MSMB: variants seen among roughly 807,000 people sequenced by gnomAD.
The protein encoded by MSMB is beta-microseminoprotein.
Under a neutral mutation model 10.5 loss-of-function variants are expected in MSMB, and 10 were observed. The observed-to-expected ratio is 0.95, with a 90% CI of 0.59 to 1.62. The LOEUF is 1.62. Ranked by LOEUF, MSMB falls within the 40% of genes most tolerant of loss-of-function variation. MSMB has a pLI of 0.00. For synonymous variants in MSMB, 43 were observed against 46.5 expected (o/e 0.93, Z 0.30); for missense variants, 126 against 137.4 (o/e 0.92, Z 0.42).
At chr10:46,034,717 C>T (rs1840559037) in intron 3 of MSMB, among the ~76,000 whole-genome samples, 1 of 151,130 alleles carries the variant, frequency 6.6e-6, no homozygotes, top group Non-Finnish European at 1.5e-5. Flanking sequence ...CCCAGCTACT[C>T]AGGAGGCTGA....
At chr10:46,043,767 C>T (rs1209420717) in intron 1 of MSMB, among the ~76,000 whole-genome samples, 2 of 152,090 alleles carry the variant, frequency 1.3e-5, no homozygotes, top group African/African-American at 2.4e-5. Flanking sequence ...CTCCGCCTCC[C>T]GGGTTCAAGT....
intron 3 of MSMB, among the ~76,000 whole-genome samples, chr10:46,037,733 G>A (rs1222209208): frequency 1.3e-5 from 2 of 152,180 alleles, no homozygotes; most frequent in Non-Finnish European, 2.9e-5. Context: ...CTGAGGTGAT[G>A]ACCGGGCCAA....
intron 2 of MSMB, 71 bp from the exon 3 acceptor site, chr10:46,039,142 C>T: frequency 1.5e-6 from 2 of 1,310,902 alleles, no homozygotes; most frequent in East Asian, 2.4e-5. Context: ...GACATTGAGT[C>T]CTGCCCCTAC....
chr10:46,044,560 A>C (rs1007208524), intron 1 of MSMB, among the ~76,000 whole-genome samples: 28 of 119,870 alleles, frequency 2.3e-4, no homozygotes, highest in Non-Finnish European at 4.4e-4. Flanking sequence ...TGGGCGACAG[A>C]GAGACTCCGT....
intron 3 of MSMB, among the ~76,000 whole-genome samples, chr10:46,035,365 GAAC>G (rs1230576830): frequency 2.0e-5 from 3 of 152,158 alleles, no homozygotes; most frequent in Admixed American, 6.5e-5. Context: ...CCAATGTTCA[GAAC>G]AACATTACTT....
In MSMB at chr10:46,033,446, A is replaced by G. The variant is rs1564933236; in HGVS notation, c.321T>C (p.Cys107=). 1 of 1,613,920 alleles carries G rather than the reference A, an allele frequency of 6.2e-7. No homozygotes were observed. The highest frequency in any genetic ancestry group is 2.2e-5 in the East Asian group (1 of 44,884). ...VVEKKDPKKT[C]SVSEWII is the part of the protein sequence containing the mutation. Reference sequence around the variant, plus strand: ...ATTAGATTATCCATTCACTGACAGAACAGGTCTTTTTTGGGTCCTTCTTCT... The same window carrying G: ...ATTAGATTATCCATTCACTGACAGAGCAGGTCTTTTTTGGGTCCTTCTTCT... The change falls in exon 4 of 4, where the codon TGT becomes TGC. Residue 107 remains cysteine (C), a synonymous_variant. Transcript: ENST00000582163.
intron 3 of MSMB, among the ~76,000 whole-genome samples, chr10:46,035,551 G>A (rs1167511540): frequency 6.6e-6 from 1 of 152,174 alleles, no homozygotes; most frequent in Non-Finnish European, 1.5e-5. Context: ...AGCCAGACAC[G>A]AAAAGACAAA....
At chr10:46,036,245 G>A (rs1840601032) in intron 3 of MSMB, among the ~76,000 whole-genome samples, 1 of 152,248 alleles carries the variant, frequency 6.6e-6, no homozygotes, top group Non-Finnish European at 1.5e-5. Context: ...GATCTGGGCA[G>A]CGTCCCATAG....
At chr10:46,041,113 G>T (rs1404503673) in intron 1 of MSMB, among the ~76,000 whole-genome samples, 1 of 152,188 alleles carries the variant, frequency 6.6e-6, no homozygotes, top group Non-Finnish European at 1.5e-5. Context: ...GGAGGCGGAG[G>T]TGGGTGGATT....
At chr10:46,036,309 A>G (rs1410228603) in intron 3 of MSMB, among the ~76,000 whole-genome samples, 1 of 152,194 alleles carries the variant, frequency 6.6e-6, no homozygotes, top group Non-Finnish European at 1.5e-5. Flanking sequence ...CAAAGTCTGT[A>G]TTTTTCCATG....
chr10:46,033,871 C>T (rs1229285849), intron 3 of MSMB, among the ~76,000 whole-genome samples: 1 of 152,158 alleles, frequency 6.6e-6, no homozygotes, highest in Admixed American at 6.5e-5. Flanking sequence ...AAGTGGCCAG[C>T]ATATTGTTGC....
chr10:46,034,567 T>C, intron 3 of MSMB, among the ~76,000 whole-genome samples: 1 of 151,996 alleles, frequency 6.6e-6, no homozygotes. Context: ...GTCTCACGCC[T>C]GTAATCCCAG....
Position 46,045,259 on chromosome 10 carries a change from C to T in MSMB, c.3+976G>A, listed in dbSNP as rs530999712. Among the ~76,000 whole-genome samples, 65 of 152,196 alleles carry T rather than the reference C, an allele frequency of 4.3e-4. 3 individuals are homozygous for T. Among genetic ancestry groups the T allele is most frequent in the Admixed American group, 4.2e-3 (64 of 15,292 alleles). On this transcript the variant is annotated intron_variant, in intron 1 of 3. Coordinates refer to ENST00000582163, the MANE Select transcript of MSMB (RefSeq NM_002443.4). Reference sequence around the variant, plus strand: ...AGCAAAATTCTTTCTTGGCCAGGCACAGTGGTTCACACCAGTAATCCCACC... The same window carrying T: ...AGCAAAATTCTTTCTTGGCCAGGCATAGTGGTTCACACCAGTAATCCCACC...
intron 1 of MSMB, among the ~76,000 whole-genome samples, chr10:46,040,569 C>CT (rs1411473826): frequency 6.6e-6 from 1 of 152,232 alleles, no homozygotes; most frequent in Non-Finnish European, 1.5e-5. Flanking sequence ...AAAGTCCCCT[C>CT]TGCTTTAACT....
At chr10:46,034,440 A>G (rs536386748) in intron 3 of MSMB, among the ~76,000 whole-genome samples, 42 of 151,736 alleles carry the variant, frequency 2.8e-4, no homozygotes, top group African/African-American at 1.0e-3. Context: ...CAGTGCTAGA[A>G]TATTAAGTGG....
chr10:46,035,119 T>C (rs1840572371), intron 3 of MSMB, among the ~76,000 whole-genome samples: 1 of 152,188 alleles, frequency 6.6e-6, no homozygotes, highest in South Asian at 2.1e-4. Flanking sequence ...ACTTAGAAAA[T>C]TGGGAAATAT....
At chr10:46,043,492 T>C (rs1330647019) in intron 1 of MSMB, among the ~76,000 whole-genome samples, 1 of 144,772 alleles carries the variant, frequency 6.9e-6, no homozygotes, top group Non-Finnish European at 1.5e-5. Flanking sequence ...AAAGAGGGGT[T>C]CTCCCATTTG....
At chr10:46,045,820 C>T (rs998258353) in intron 1 of MSMB, among the ~76,000 whole-genome samples, 1 of 152,174 alleles carries the variant, frequency 6.6e-6, no homozygotes, top group Non-Finnish European at 1.5e-5. Flanking sequence ...CCTATCTCAG[C>T]TCATTCACAG....
At chr10:46,037,476 G>A (rs1459882753) in intron 3 of MSMB, among the ~76,000 whole-genome samples, 2 of 152,236 alleles carry the variant, frequency 1.3e-5, no homozygotes, top group Non-Finnish European at 2.9e-5. Flanking sequence ...GAGGAAACAG[G>A]TAAATTAGGA....
Sources: gnomAD v4.1 joint callset for allele counts (sites outside exome capture counted in the v4.1 genomes callset) on GRCh38, gnomAD v4.1.1 for gene constraint, MANE v1.5 for transcripts, NCBI Gene and HGNC (gene_info 2026-07-23, HGNC 2026-07-21) for gene names.